The following PLCB1 variants were observed in gnomAD, a reference collection of about 807,000 sequenced individuals.
The protein encoded by PLCB1 is 1-phosphatidylinositol 4,5-bisphosphate phosphodiesterase beta-1.
A neutral mutation model predicts 161.8 loss-of-function variants in PLCB1; 46 were observed. The ratio of observed to expected loss-of-function variants is 0.28; its 90% CI spans 0.22 to 0.36. PLCB1 has a LOEUF of 0.36. PLCB1 is among the 10% of genes least tolerant of loss of function. The pLI, the probability that PLCB1 is intolerant of heterozygous loss-of-function variation, is 1.00. For synonymous variants in PLCB1, 517 were observed against 503.7 expected (o/e 1.03, Z -0.35); for missense variants, 1,016 against 1,472.5 (o/e 0.69, Z 5.07).
chr20:8,418,698 T>G (rs970755618), intron 3 of PLCB1, among the ~76,000 whole-genome samples: 2 of 152,220 alleles, frequency 1.3e-5, no homozygotes, highest in Non-Finnish European at 2.9e-5. Context: ...TATATGAGGA[T>G]AATTCCTTTG....
intron 4 of PLCB1, among the ~76,000 whole-genome samples, chr20:8,630,861 A>G (rs929736404): frequency 6.6e-6 from 1 of 152,140 alleles, no homozygotes; most frequent in African/African-American, 2.4e-5. Flanking sequence ...TCTAAAATAT[A>G]TTTAATTTCC....
chr20:8,321,181 C>T (rs768084493), intron 2 of PLCB1, among the ~76,000 whole-genome samples: 3 of 152,164 alleles, frequency 2.0e-5, no homozygotes, highest in African/African-American at 4.8e-5. Context: ...AAAAAGACAG[C>T]GTGCAATACT....
intron 9 of PLCB1, among the ~76,000 whole-genome samples, chr20:8,676,394 A>AAAGAAAGAAAGAAAGAAAGAG (rs1004352066): frequency 6.7e-6 from 1 of 149,458 alleles, no homozygotes; most frequent in Non-Finnish European, 1.5e-5. Context: ...AAAGAGAGAC[A>AAAGAAAGAAAGAAAGAAAGAG]AAGAAAGAAA....
At chr20:8,669,922 G>C (rs1989903653) in intron 9 of PLCB1, among the ~76,000 whole-genome samples, 1 of 152,174 alleles carries the variant, frequency 6.6e-6, no homozygotes, top group South Asian at 2.1e-4. Context: ...TGTCCAATTT[G>C]ATCAAGGAAC....
At position 8,604,133 on chromosome 20, in the gene PLCB1, A is replaced by C. The variant is rs536239459; in HGVS notation, c.247-24161A>C. The stretch of plus-strand genomic sequence containing the variant: ...CTAGGTATGGTGGCATGTGCCTGTA[A>C]TCCTAGCTACTTGGGTGGCTGAGGC... On this transcript the variant is annotated intron_variant, in intron 3 of 31. Coordinates refer to ENST00000338037, the MANE Select transcript of PLCB1 (RefSeq NM_015192.4). Among the ~76,000 whole-genome samples the C allele has an allele frequency of 1.3e-3, 194 of 151,904 alleles. 1 individual carries two copies. The highest frequency in any genetic ancestry group is 4.6e-3 in the African/African-American group (190 of 41,418).
intron 3 of PLCB1, among the ~76,000 whole-genome samples, chr20:8,537,529 C>T (rs1249364290): frequency 6.6e-6 from 1 of 152,054 alleles, no homozygotes; most frequent in Non-Finnish European, 1.5e-5. Context: ...AGTTAACAGC[C>T]ACCTGCCCAG....
rs753938411 is a variant in PLCB1, at chr20:8,349,885, A to G, written c.178-21497A>G. Among the ~76,000 whole-genome samples, 38 of 152,350 alleles carry G rather than the reference A, an allele frequency of 2.5e-4. No individual in the cohort carries two copies. The Middle Eastern group carries it at 0.014, about 55-fold the overall frequency. ...AGAGGAAGAGAATCAATATATTAAA[A>G]AAGACCCAAATGAAAAAAAGAAATA... On this transcript the variant is annotated intron_variant, in intron 2 of 31. Coordinates refer to ENST00000338037, the MANE Select transcript of PLCB1 (RefSeq NM_015192.4).
At chr20:8,293,666 A>G (rs1034334328) in intron 2 of PLCB1, among the ~76,000 whole-genome samples, 1 of 152,264 alleles carries the variant, frequency 6.6e-6, no homozygotes, top group Admixed American at 6.5e-5. Context: ...CTCAGTGAAA[A>G]AGGCAATAAC....
At chr20:8,523,385 G>A (rs999485897) in intron 3 of PLCB1, among the ~76,000 whole-genome samples, 1 of 120,450 alleles carries the variant, frequency 8.3e-6, no homozygotes, top group African/African-American at 3.6e-5. Context: ...AAATGATCCT[G>A]ATCATAACAA....
At chr20:8,135,624 G>A (rs2051337305) in intron 1 of PLCB1, among the ~76,000 whole-genome samples, 1 of 152,178 alleles carries the variant, frequency 6.6e-6, no homozygotes, top group Admixed American at 6.5e-5. Context: ...AGGGTCTGTG[G>A]ATGGGTGGGT....
At chr20:8,775,905 C>T (rs912935972) in intron 27 of PLCB1, among the ~76,000 whole-genome samples, 2 of 152,074 alleles carry the variant, frequency 1.3e-5, no homozygotes, top group African/African-American at 4.8e-5. Flanking sequence ...CACATGATTT[C>T]GAGGGGTTGC....
intron 24 of PLCB1, among the ~76,000 whole-genome samples, chr20:8,759,996 C>T (rs1981937773): frequency 6.7e-6 from 1 of 148,998 alleles, no homozygotes; most frequent in Admixed American, 6.8e-5. Flanking sequence ...AACTCCACCT[C>T]CTGGCTTCAA....
At position 8,514,674 on chromosome 20, in the gene PLCB1, G is replaced by A. The variant is rs60483599; in HGVS notation, c.247-113620G>A. Among the ~76,000 whole-genome samples the A allele has an allele frequency of 9.9e-3, 1,510 of 152,098 alleles. 14 individuals carry two copies. The highest frequency in any genetic ancestry group is 0.034 in the African/African-American group (1,394 of 41,480). On this transcript the variant is annotated intron_variant, in intron 3 of 31. Coordinates refer to ENST00000338037, the MANE Select transcript of PLCB1 (RefSeq NM_015192.4). ...GTAAAGCCGTTTCATTTCTCTTTTA[G>A]TACTTTTTCTACCCTAACAAAGAAA...
intron 3 of PLCB1, among the ~76,000 whole-genome samples, chr20:8,528,109 G>T (rs1984655682): frequency 6.6e-6 from 1 of 152,004 alleles, no homozygotes; most frequent in African/African-American, 2.4e-5. Context: ...ATGTAAAATG[G>T]TGCAGCCACT....
At chr20:8,308,691 G>A (rs1346368390) in intron 2 of PLCB1, among the ~76,000 whole-genome samples, 2 of 151,440 alleles carry the variant, frequency 1.3e-5, no homozygotes, top group Admixed American at 1.3e-4. Flanking sequence ...TGAAATACAT[G>A]GAGGCTACAT....
chr20:8,687,625 C>T (rs973197851), intron 10 of PLCB1, among the ~76,000 whole-genome samples: 1 of 152,154 alleles, frequency 6.6e-6, no homozygotes, highest in Admixed American at 6.5e-5. Flanking sequence ...TTAGAAAAAT[C>T]GTCTCTAATC....
chr20:8,251,027 C>T (rs559137956), intron 2 of PLCB1, among the ~76,000 whole-genome samples: 4 of 152,054 alleles, frequency 2.6e-5, no homozygotes, highest in Non-Finnish European at 4.4e-5. Context: ...GCTTACAGTT[C>T]TAGAAGCTGG....
At chr20:8,198,129 A>T (rs578254266) in intron 2 of PLCB1, among the ~76,000 whole-genome samples, 120 of 151,978 alleles carry the variant, frequency 7.9e-4, no homozygotes, top group African/African-American at 2.7e-3. Flanking sequence ...CTTAAGATTG[A>T]CTTGACAATG....
intron 2 of PLCB1, among the ~76,000 whole-genome samples, chr20:8,167,205 G>T (rs998336321): frequency 6.6e-6 from 1 of 152,160 alleles, no homozygotes; most frequent in Non-Finnish European, 1.5e-5. Flanking sequence ...GCAGATGCTT[G>T]TCTGTCTTAT....
Sources: gnomAD v4.1 joint callset for allele counts (sites outside exome capture counted in the v4.1 genomes callset) on GRCh38, gnomAD v4.1.1 for gene constraint, MANE v1.5 for transcripts, NCBI Gene and HGNC (gene_info 2026-07-23, HGNC 2026-07-21) for gene names.